Variants in ZMYM4 observed in about 807,000 individuals in gnomAD.
The protein encoded by ZMYM4 is zinc finger MYM-type protein 4.
ZMYM4 carries 31 observed loss-of-function variants against 183.2 expected under a neutral mutation model. The ratio of observed to expected loss-of-function variants is 0.17; its 90% CI spans 0.13 to 0.23. The LOEUF (loss-of-function observed/expected upper bound fraction) is 0.23. Among genes scored for constraint, ZMYM4 ranks in the 10% least tolerant of loss-of-function variants. The probability of loss-of-function intolerance (pLI) is 1.00; values close to 1 mark genes in which losing one functional copy is unlikely to be tolerated. For synonymous variants in ZMYM4, 592 were observed against 631.2 expected, an observed-to-expected ratio of 0.94 and a Z score of 0.93; for missense variants, 1,273 against 1,840.3, an observed-to-expected ratio of 0.69 and a Z score of 5.64.
At chr1:35,417,909 GGCT>G (rs2149050120) in intron 28 of ZMYM4, among the ~76,000 whole-genome samples, 1 of 152,206 alleles carries the variant, frequency 6.6e-6, no homozygotes, top group South Asian at 2.1e-4. Flanking sequence ...CTACTTGGGA[GGCT>G]GAGGCAGGAG....
rs1004122879 is a variant in ZMYM4 at position 35,268,899 on chromosome 1, C to T, written c.-148C>T. 3.4e-6 allele frequency: 3 copies of T among 882,712 alleles called. No individual in the cohort carries two copies. The highest frequency in any genetic ancestry group is 1.8e-5 in the African/African-American group (1 of 56,668). 54.7% of individuals were successfully genotyped at this position (882,712 alleles called of 1,614,324 possible). A position where few individuals can be genotyped will look rare whatever the true frequency, so the allele number is the denominator to read the frequency against. On this transcript the variant is annotated 5_prime_UTR_variant, in exon 1 of 30. Coordinates refer to ENST00000314607, the MANE Select transcript of ZMYM4 (RefSeq NM_005095.3). The stretch of plus-strand genomic sequence containing the variant: ...CTGCGGCCCGGCGCGCGGCATCCGC[C>T]CCCTCCCCACTCTCGGCGCAAGGCC...
At chr1:35,380,750 T>C (rs925900422) in intron 7 of ZMYM4, among the ~76,000 whole-genome samples, 34 of 152,228 alleles carry the variant, frequency 2.2e-4, no homozygotes, top group Admixed American at 1.0e-3. Context: ...TAATCTTCAA[T>C]GCCTTTGTTA....
chr1:35,405,499 A>G, intron 25 of ZMYM4, 31 bp downstream of exon 25: 1 of 1,449,870 alleles, frequency 6.9e-7, no homozygotes, highest in Non-Finnish European at 9.4e-7. Context: ...TTTGGTATGA[A>G]TTATTTATAT....
chr1:35,353,483 C>G (rs1643704223), intron 2 of ZMYM4, among the ~76,000 whole-genome samples: 1 of 152,090 alleles, frequency 6.6e-6, no homozygotes, highest in African/African-American at 2.4e-5. Context: ...GTTTATTTCT[C>G]TTTTCTCATT....
rs1399695685 is a variant in ZMYM4, at chr1:35,325,505, TTTATG to T, written c.85+102_85+106del. ...TATTACAGTGTTTAGTTAGGGCTGA[TTTATG>T]TGATGGTTCAATCTGATTTAGTCTA... On this transcript the variant is annotated intron_variant, in intron 2 of 29. Transcript: ENST00000314607. 6 of 1,144,242 alleles carry T rather than the reference TTTATG, an allele frequency of 5.2e-6. No homozygotes were observed. In the African/African-American group the frequency reaches 9.4e-5, roughly 18 times the overall value. The allele number at this position is 1,144,242 out of a possible 1,614,324, so 70.9% of individuals were successfully genotyped here.
chr1:35,311,546 A>C (rs929181487), intron 1 of ZMYM4, among the ~76,000 whole-genome samples: 1 of 152,004 alleles, frequency 6.6e-6, no homozygotes, highest in Admixed American at 6.6e-5. Context: ...TAATCCCAGC[A>C]CTGAGCCATG....
intron 1 of ZMYM4, among the ~76,000 whole-genome samples, chr1:35,294,331 A>G (rs935730629): frequency 6.6e-6 from 1 of 152,190 alleles, no homozygotes; most frequent in Non-Finnish European, 1.5e-5. Context: ...ACTCAATATT[A>G]TAAAAGTATG....
At chr1:35,413,827 A>G (rs564221278) in intron 26 of ZMYM4, 145 bp from the exon 27 acceptor site, 18 of 519,232 alleles carry the variant, frequency 3.5e-5, no homozygotes, top group African/African-American at 3.4e-4. Flanking sequence ...TTTAACAACT[A>G]TCTCTAAGGT....
chr1:35,277,206 T>TGAGCC (rs1570225122), intron 1 of ZMYM4, among the ~76,000 whole-genome samples: 1 of 152,186 alleles, frequency 6.6e-6, no homozygotes, highest in South Asian at 2.1e-4. Flanking sequence ...AGGTAAAATG[T>TGAGCC]CATCATCAAT....
Position 35,419,569 on chromosome 1 carries a change from C to T in ZMYM4, c.4539C>T (p.Asp1513=). The change falls in exon 30 of 30, where the codon GAC becomes GAT. Residue 1513 remains aspartate, a synonymous_variant. Coordinates refer to ENST00000314607, the MANE Select transcript of ZMYM4 (RefSeq NM_005095.3). ...SPMWYSTFPI[D]PGTLDTMLTR... is the part of the protein sequence containing the mutation. ...TGTGGTACTCCACATTCCCGATAGA[C>T]CCTGGAACCCTGGACACCATGTTAA... The T allele has an allele frequency of 6.2e-6, 10 of 1,614,112 alleles. No homozygotes were observed. The highest frequency in any genetic ancestry group is 8.5e-6 in the Non-Finnish European group (10 of 1,180,028).
intron 2 of ZMYM4, among the ~76,000 whole-genome samples, chr1:35,352,075 T>C (rs1305014386): frequency 6.6e-6 from 1 of 152,172 alleles, no homozygotes; most frequent in Non-Finnish European, 1.5e-5. Context: ...TGTAATATTC[T>C]CAATCTTAAA....
chr1:35,296,839 C>CTTTCTTTCTTTT (rs1373897403), intron 1 of ZMYM4, among the ~76,000 whole-genome samples: 1 of 122,062 alleles, frequency 8.2e-6, no homozygotes, highest in African/African-American at 3.9e-5. Flanking sequence ...TTCTTTCTTT[C>CTTTCTTTCTTTT]TTTCTTTTTT....
At chr1:35,284,560 T>C (rs1289209040) in intron 1 of ZMYM4, among the ~76,000 whole-genome samples, 2 of 152,218 alleles carry the variant, frequency 1.3e-5, no homozygotes, top group Non-Finnish European at 1.5e-5. Context: ...CCCCATTGAG[T>C]GGTCCTGGAA....
At chr1:35,310,830 G>A (rs1007918632) in intron 1 of ZMYM4, among the ~76,000 whole-genome samples, 3 of 151,960 alleles carry the variant, frequency 2.0e-5, no homozygotes, top group Admixed American at 1.3e-4. Context: ...TGTCTGCCTC[G>A]GCCTCCCAAA....
intron 1 of ZMYM4, among the ~76,000 whole-genome samples, chr1:35,320,835 T>C (rs1421535271): frequency 1.3e-5 from 2 of 152,202 alleles, no homozygotes; most frequent in African/African-American, 4.8e-5. Context: ...AAATAATCTT[T>C]TGTTTGTTTT....
At chr1:35,374,283 C>T (rs1253991118) in intron 7 of ZMYM4, among the ~76,000 whole-genome samples, 1 of 151,986 alleles carries the variant, frequency 6.6e-6, no homozygotes, top group African/African-American at 2.4e-5. Flanking sequence ...ACCCACCCGC[C>T]TTGGCCTCCC....
chr1:35,322,854 T>A (rs763126781), intron 1 of ZMYM4, among the ~76,000 whole-genome samples: 1 of 151,746 alleles, frequency 6.6e-6, no homozygotes, highest in Non-Finnish European at 1.5e-5. Flanking sequence ...CATGCCCGGC[T>A]AATTTTTTTG....
chr1:35,315,668 C>T (rs1157638417), intron 1 of ZMYM4, among the ~76,000 whole-genome samples: 1 of 152,178 alleles, frequency 6.6e-6, no homozygotes, highest in Non-Finnish European at 1.5e-5. Context: ...AAGTCAGGCT[C>T]ACCCCTGTAA....
intron 18 of ZMYM4, 114 bp downstream of exon 18, chr1:35,393,853 A>G: frequency 8.2e-7 from 1 of 1,226,360 alleles, no homozygotes; most frequent in Non-Finnish European, 1.1e-6. Flanking sequence ...GTTTGTATAC[A>G]TTGCCCAATT....
Sources: allele counts gnomAD v4.1 joint callset (sites outside exome capture counted in the v4.1 genomes callset), GRCh38; gene constraint gnomAD v4.1.1; transcripts MANE v1.5; gene names NCBI Gene and HGNC (gene_info 2026-07-23, HGNC 2026-07-21).